CCNL2: variants seen among roughly 807,000 people sequenced by gnomAD.
CCNL2 encodes cyclin-L2.
Under a neutral mutation model 59.1 loss-of-function variants are expected in CCNL2, and 28 were observed. That is an observed-to-expected ratio of 0.47 (90% CI 0.35 to 0.65). CCNL2 has a LOEUF of 0.65. Ranked by LOEUF, CCNL2 falls within the 30% of genes least tolerant of loss-of-function variation. The pLI is 0.00. For missense variants in CCNL2, 714 were observed against 717.4 expected, an observed-to-expected ratio of 1.00 and a Z score of 0.05; for synonymous variants, 342 against 288.6, an observed-to-expected ratio of 1.19 and a Z score of -1.88.
At chr1:1,391,332 T>A in intron 5 of CCNL2, 1 of 1,160,276 alleles carries the variant, frequency 8.6e-7, no homozygotes, top group Non-Finnish European at 1.1e-6. Context: ...CCGGTGTGGC[T>A]GCTGGGAGAC....
intron 3 of CCNL2, among the ~76,000 whole-genome samples, chr1:1,396,546 G>A (rs1488478083): frequency 6.8e-6 from 1 of 146,418 alleles, no homozygotes; most frequent in African/African-American, 2.5e-5. Context: ...GACTATAGGC[G>A]TGAGCCACTG....
chr1:1,393,125 C>A, intron 5 of CCNL2: 1 of 584,048 alleles, frequency 1.7e-6, no homozygotes. Flanking sequence ...GCCAAGTCAA[C>A]AGCTCCCAGA....
At position 1,387,292 on chromosome 1, in the gene CCNL2, T is replaced by G; in HGVS notation, c.1502A>C (p.Tyr501Ser). 6.2e-7 allele frequency: 1 copy of G among 1,613,274 alleles called. No homozygotes were observed. Among genetic ancestry groups the G allele is most frequent in the South Asian group, 1.1e-5 (1 of 91,090 alleles). Residue 501 changes from tyrosine (Y) to serine (S), a missense_variant, in exon 11 of 11, where the codon TAT becomes TCT. By Grantham distance (144) the Tyr-to-Ser change is moderately radical. Transcript: ENST00000400809. ...RDQRRERSRS[Y>S]ERTGRRYERD... ...CTCATAGCGACGGCCTGTGCGTTCA[T>G]ACGACCTCGAGCGCTCTCGTCGCTG...
chr1:1,396,946 A>G (rs1645068305), intron 3 of CCNL2, among the ~76,000 whole-genome samples: 2 of 151,494 alleles, frequency 1.3e-5, no homozygotes, highest in East Asian at 2.0e-4. Flanking sequence ...ACGGGGTTTC[A>G]CCGTGTTAGC....
At chr1:1,396,376 C>T (rs1645022309) in intron 3 of CCNL2, among the ~76,000 whole-genome samples, 1 of 150,838 alleles carries the variant, frequency 6.6e-6, no homozygotes, top group Non-Finnish European at 1.5e-5. Flanking sequence ...AAGCAATTCT[C>T]CTGCCTCAGC....
chr1:1,395,337 C>A (rs541685054), intron 4 of CCNL2, 57 bp downstream of exon 4: 1 of 1,593,802 alleles, frequency 6.3e-7, no homozygotes, highest in Non-Finnish European at 8.6e-7. Context: ...TGGAGAGAGG[C>A]GGCCAGGCAG....
chr1:1,398,456 A>G, intron 2 of CCNL2, 114 bp from the exon 3 acceptor site: 1 of 1,572,350 alleles, frequency 6.4e-7, no homozygotes, highest in Non-Finnish European at 8.6e-7. Context: ...CAGGGGAAAA[A>G]AAAAGTCAAG....
chr1:1,392,125 C>T (rs1363530134), intron 5 of CCNL2: 6 of 208,916 alleles, frequency 2.9e-5, no homozygotes, highest in Non-Finnish European at 5.0e-5. Context: ...GTGTGGCGGC[C>T]GTGTGGCCCC....
intron 8 of CCNL2, chr1:1,388,857 AC>A (rs774459341): frequency 2.5e-5 from 9 of 356,724 alleles, no homozygotes; most frequent in South Asian, 1.9e-4. Flanking sequence ...GGGCAGATCA[AC>A]TGAGATCAGG....
At position 1,388,581 on chromosome 1, in the gene CCNL2, C is replaced by A. The variant is rs200013239; in HGVS notation, c.1007-516G>T. 895 of 377,594 alleles carry A rather than the reference C, an allele frequency of 2.4e-3. 10 individuals are homozygous for A. Among genetic ancestry groups the A allele is most frequent in the African/African-American group, 9.5e-3 (403 of 42,596 alleles). The allele number at this position is 377,594 out of a possible 1,614,324, so 23.4% of individuals were successfully genotyped here. On this transcript the variant is annotated intron_variant, in intron 8 of 10. Coordinates refer to ENST00000400809, the MANE Select transcript of CCNL2 (RefSeq NM_030937.6). ...TGAGTGTGTGTCTCTCTCTCTCTCT[C>A]TCTATATATATATATACATAGACAC... is the stretch of plus-strand genomic sequence containing the variant.
At chr1:1,390,647 G>A in intron 6 of CCNL2, 84 bp from the exon 7 acceptor site, 4 of 1,470,652 alleles carry the variant, frequency 2.7e-6, no homozygotes, top group South Asian at 1.2e-5. Context: ...ACAGCCTGTT[G>A]GTCACGAAAA....
intron 10 of CCNL2, 94 bp downstream of exon 10, chr1:1,387,683 G>C: frequency 2.1e-6 from 3 of 1,435,466 alleles, no homozygotes; most frequent in Non-Finnish European, 2.9e-6. Context: ...TCCAGGTTTA[G>C]AGAAACAAGA....
chr1:1,393,606 G>A, intron 4 of CCNL2, 146 bp from the exon 5 acceptor site: 2 of 707,172 alleles, frequency 2.8e-6, no homozygotes, highest in Non-Finnish European at 4.9e-6. Context: ...GGCTCAGCTG[G>A]AGGGAGCTTT....
chr1:1,393,590 G>A, intron 4 of CCNL2, 130 bp from the exon 5 acceptor site: 1 of 775,324 alleles, frequency 1.3e-6, no homozygotes, highest in South Asian at 1.6e-5. Context: ...CACACGTCTG[G>A]CGGACGGCTC....
rs528628799 is a variant in CCNL2 at position 1,398,222 on chromosome 1, G to A, written c.473+11C>T. On this transcript the variant is annotated intron_variant, in intron 3 of 10. Coordinates refer to ENST00000400809, the MANE Select transcript of CCNL2 (RefSeq NM_030937.6). Reference sequence around the variant, plus strand: ...CATCTATGATAGACTAGACAGCTCTGACTGACTCACTTTTTGTCTCTCAGC... The same window carrying A: ...CATCTATGATAGACTAGACAGCTCTAACTGACTCACTTTTTGTCTCTCAGC... 21 of 1,613,194 alleles carry A rather than the reference G, an allele frequency of 1.3e-5. No individual in the cohort carries two copies. In the Admixed American group the frequency reaches 1.5e-4, roughly 12 times the overall value.
At position 1,387,361 on chromosome 1, in the gene CCNL2, T is replaced by C. The variant is rs746311825; in HGVS notation, c.1433A>G (p.Asp478Gly). 6.2e-7 allele frequency: 1 copy of C among 1,614,056 alleles called. No homozygotes were observed. The highest frequency in any genetic ancestry group is 1.7e-5 in the Admixed American group (1 of 60,010). Reference sequence around the variant, plus strand: ...TTTCTTCTTGTATTTTCCCGGATTATCCGCCCGCTCCCGTGACCTGCTTCG... The same window carrying C: ...TTTCTTCTTGTATTTTCCCGGATTACCCGCCCGCTCCCGTGACCTGCTTCG... Reference protein sequence around the residue: ...RSRSRSRERADNPGKYKKKSH... With the variant: ...RSRSRSRERAGNPGKYKKKSH... Residue 478 changes from aspartate (D) to glycine (G), a missense_variant, in exon 11 of 11, where the codon GAT becomes GGT. Asp to Gly is a moderately conservative substitution (Grantham distance 94). This residue lies in a region of CCNL2 where 403 missense variants were observed against 377.7 expected (regional missense o/e 1.07). Coordinates refer to ENST00000400809, the MANE Select transcript of CCNL2 (RefSeq NM_030937.6).
chr1:1,398,354 G>C lies in CCNL2; in HGVS notation c.364-12C>G, dbSNP rs771592184. ...GCCATTGACACATGCTGAAGCGGAAGCATTGCAACACGCCCATGTTTGTCC... is the reference window on the plus strand; with the variant it reads ...GCCATTGACACATGCTGAAGCGGAACCATTGCAACACGCCCATGTTTGTCC... On this transcript the variant is annotated splice_polypyrimidine_tract_variant and intron_variant, in intron 2 of 10. Transcript: ENST00000400809. 6 of 1,613,946 alleles carry C rather than the reference G, an allele frequency of 3.7e-6. No individual in the cohort carries two copies. The highest frequency in any genetic ancestry group is 5.1e-6 in the Non-Finnish European group (6 of 1,180,006).
chr1:1,388,349 C>T, intron 8 of CCNL2: 2 of 423,878 alleles, frequency 4.7e-6, no homozygotes, highest in Admixed American at 3.5e-5. Context: ...GGTGAAACCC[C>T]ATCTCTACTA....
At chr1:1,393,509 G>A (rs1227767704) in intron 4 of CCNL2, 49 bp from the exon 5 acceptor site, 10 of 1,526,316 alleles carry the variant, frequency 6.6e-6, no homozygotes, top group Non-Finnish European at 9.1e-6. Context: ...TAAGAGCCCA[G>A]AATTCAGATC....
Sources: allele counts gnomAD v4.1 joint callset (sites outside exome capture counted in the v4.1 genomes callset), GRCh38; gene constraint gnomAD v4.1.1; regional missense constraint gnomAD v4.1.1; transcripts MANE v1.5; gene names NCBI Gene and HGNC (gene_info 2026-07-23, HGNC 2026-07-21).